Variants in VAV2 observed in about 807,000 individuals in gnomAD.
VAV2 encodes the protein guanine nucleotide exchange factor VAV2.
In VAV2, 67 loss-of-function variants were observed where a neutral mutation model predicts 132.5. The observed-to-expected ratio is 0.51, with a 90% CI of 0.42 to 0.62. VAV2 has a LOEUF of 0.62. Among genes scored for constraint, VAV2 ranks in the 20% least tolerant of loss-of-function variants. The pLI, the probability that VAV2 is intolerant of heterozygous loss-of-function variation, is 0.00. For missense variants in VAV2, 938 were observed against 1,153.6 expected, an observed-to-expected ratio of 0.81 and a Z score of 2.71; for synonymous variants, 492 against 443.5, an observed-to-expected ratio of 1.11 and a Z score of -1.37.
At chr9:133,952,342 G>A (rs770643880) in intron 1 of VAV2, among the ~76,000 whole-genome samples, 14 of 152,104 alleles carry the variant, frequency 9.2e-5, no homozygotes, top group Non-Finnish European at 1.8e-4. Context: ...GGTGGCTCAC[G>A]TCTATAGTCC....
chr9:133,858,916 C>A (rs539236075), intron 3 of VAV2, among the ~76,000 whole-genome samples: 1 of 152,352 alleles, frequency 6.6e-6, no homozygotes, highest in South Asian at 2.1e-4. Context: ...GCTGCCTGGG[C>A]AGTTCCCCGA....
In VAV2 at chr9:133,812,277, C is replaced by T. The variant is rs974876303; in HGVS notation, c.450-61G>A. On this transcript the variant is annotated intron_variant, in intron 4 of 29. Coordinates refer to ENST00000371850, the MANE Select transcript of VAV2 (RefSeq NM_001134398.2). ...GCTCCCGCCACCCTGACCGGGGAGC[C>T]GCAGAGCACGAGGGTCCACGAGGGA... 29 of 1,551,468 alleles carry T rather than the reference C, an allele frequency of 1.9e-5. 1 individual carries two copies. Among genetic ancestry groups the T allele is most frequent in the Middle Eastern group, 3.5e-4 (2 of 5,784 alleles).
intron 2 of VAV2, among the ~76,000 whole-genome samples, chr9:133,889,947 A>G (rs924218638): frequency 2.6e-5 from 4 of 152,074 alleles, no homozygotes; most frequent in African/African-American, 9.7e-5. Flanking sequence ...CCGCAGGGCC[A>G]CTCCTGGGAT....
intron 1 of VAV2, among the ~76,000 whole-genome samples, chr9:133,943,421 T>C (rs1344673557): frequency 1.3e-5 from 2 of 152,244 alleles, no homozygotes; most frequent in Non-Finnish European, 1.5e-5. Context: ...GCCCAAGCTA[T>C]GAAGGCTGGC....
chr9:133,801,390 AG>A (rs1834923604), intron 9 of VAV2, among the ~76,000 whole-genome samples: 1 of 152,236 alleles, frequency 6.6e-6, no homozygotes, highest in Non-Finnish European at 1.5e-5. Context: ...TCGCCCAAGA[AG>A]GGGAACAGGG....
At position 133,770,543 on chromosome 9, in the gene VAV2, A is replaced by G. The variant is rs1554768395; in HGVS notation, c.2224-42T>C. 17 of 1,606,568 alleles carry G rather than the reference A, an allele frequency of 1.1e-5. No individual in the cohort carries two copies. The South Asian group carries it at 1.7e-4, about 16-fold the overall frequency. ...CTCACTGACAGCTGCTGCCACCTCC[A>G]GGAAGTCCTCCCCCAGTGACCTGGC... On this transcript the variant is annotated intron_variant, in intron 26 of 29. Transcript: ENST00000371850.
Position 133,907,645 on chromosome 9 carries a change from G to A in VAV2, c.321+31458C>T, listed in dbSNP as rs149311410. On this transcript the variant is annotated intron_variant, in intron 2 of 29. Coordinates refer to ENST00000371850, the MANE Select transcript of VAV2 (RefSeq NM_001134398.2). ...CTGATTTATGGACTCTGGAGGGGAC[G>A]CTGACATTTCCTAGATCCACCGCCA... Among the ~76,000 whole-genome samples the A allele has an allele frequency of 4.5e-4, 69 of 152,328 alleles. 1 individual carries two copies. In the East Asian group the frequency reaches 0.012, roughly 26 times the overall value.
At chr9:133,907,404 C>CT (rs1427204596) in intron 2 of VAV2, among the ~76,000 whole-genome samples, 6 of 152,250 alleles carry the variant, frequency 3.9e-5, no homozygotes, top group Non-Finnish European at 2.9e-5. Context: ...CTGGCTGGCA[C>CT]TTGTCCCTCA....
chr9:133,789,408 G>T, intron 13 of VAV2, 65 bp from the exon 14 acceptor site: 6 of 1,519,688 alleles, frequency 3.9e-6, no homozygotes, highest in African/African-American at 1.4e-5. Flanking sequence ...GACCGCACGG[G>T]CAGGGCAGAC....
intron 3 of VAV2, among the ~76,000 whole-genome samples, chr9:133,860,146 C>T (rs565051886): frequency 3.8e-4 from 58 of 151,782 alleles, no homozygotes; most frequent in Middle Eastern, 3.4e-3. Flanking sequence ...ACTGAAAATA[C>T]AAAAAATTAG....
At chr9:133,850,695 C>T (rs1837133257) in intron 3 of VAV2, among the ~76,000 whole-genome samples, 1 of 152,160 alleles carries the variant, frequency 6.6e-6, no homozygotes. Context: ...CCCCGTGAGC[C>T]CACTGGGGTC....
chr9:133,849,550 T>C (rs1837085922), intron 3 of VAV2, among the ~76,000 whole-genome samples: 1 of 152,220 alleles, frequency 6.6e-6, no homozygotes, highest in Non-Finnish European at 1.5e-5. Flanking sequence ...GTTTGTGTCC[T>C]GGGGCTGCGT....
chr9:133,828,464 G>A (rs605858), intron 4 of VAV2, among the ~76,000 whole-genome samples: 90 of 6,868 alleles, frequency 0.013, 9 homozygotes, highest in Middle Eastern at 0.12. Context: ...GGCATCGCCA[G>A]CTACCGCTGC....
At chr9:133,989,864 C>T (rs1420090663) in intron 1 of VAV2, among the ~76,000 whole-genome samples, 1 of 152,238 alleles carries the variant, frequency 6.6e-6, no homozygotes, top group Non-Finnish European at 1.5e-5. Context: ...CAGCCGTCCC[C>T]GTGCAGGCAA....
intron 23 of VAV2, among the ~76,000 whole-genome samples, chr9:133,776,533 AC>A (rs1387707655): frequency 2.0e-5 from 3 of 151,876 alleles, no homozygotes. Flanking sequence ...CCCTGGCCTC[AC>A]TGGGCCACAG....
intron 3 of VAV2, among the ~76,000 whole-genome samples, chr9:133,844,203 T>G (rs571390814): frequency 3.3e-5 from 5 of 152,326 alleles, no homozygotes; most frequent in African/African-American, 1.2e-4. Context: ...ATGTGACTTC[T>G]CAGCAGCTGT....
intron 2 of VAV2, among the ~76,000 whole-genome samples, chr9:133,913,450 TC>T (rs1839952502): frequency 6.6e-6 from 1 of 152,070 alleles, no homozygotes; most frequent in Non-Finnish European, 1.5e-5. Flanking sequence ...GGTGCCCCAC[TC>T]CGGAGGCTTC....
intron 9 of VAV2, among the ~76,000 whole-genome samples, chr9:133,800,522 C>T (rs1024459442): frequency 2.0e-5 from 3 of 152,210 alleles, no homozygotes; most frequent in South Asian, 2.1e-4. Flanking sequence ...CACCAGGCCC[C>T]GCACCACTGC....
At position 133,802,323 on chromosome 9, in the gene VAV2, T is replaced by TACACACACACACACACACACAC. The variant is rs58155949; in HGVS notation, c.836+3736_836+3757dup. Among the ~76,000 whole-genome samples the TACACACACACACACACACACAC allele has an allele frequency of 1.1e-4, 16 of 142,094 alleles. No homozygotes were observed. The highest frequency in any genetic ancestry group is 3.9e-4 in the African/African-American group (15 of 38,386). 93.2% of individuals were successfully genotyped at this position (142,094 alleles called of 152,430 possible). On this transcript the variant is annotated intron_variant, in intron 9 of 29. Transcript: ENST00000371850. This position sits in a 1 kb window ranked among gnomAD's most constrained non-coding sequence, Gnocchi z 5.8. ...GCACACAAACACACAAGCACGCGTG[T>TACACACACACACACACACACAC]ACACACACACACACACACACACACA...
Sources: allele counts gnomAD v4.1 joint callset (sites outside exome capture counted in the v4.1 genomes callset), GRCh38; gene constraint gnomAD v4.1.1; non-coding constraint Gnocchi (gnomAD v3.1); transcripts MANE v1.5; gene names NCBI Gene and HGNC (gene_info 2026-07-23, HGNC 2026-07-21).